ARID1B: variants seen among roughly 807,000 people sequenced by gnomAD.
ARID1B encodes the protein AT-rich interaction domain 1B.
In ARID1B, 30 loss-of-function variants were observed where a neutral mutation model predicts 212.3. That is an observed-to-expected ratio of 0.14 (90% CI 0.11 to 0.19). ARID1B has a LOEUF of 0.19. Among genes scored for constraint, ARID1B ranks in the 10% least tolerant of loss-of-function variants. ARID1B has a pLI of 1.00. For synonymous variants in ARID1B, 1,402 were observed against 1,301.7 expected (o/e 1.08, Z -1.66); for missense variants, 2,891 against 3,204.0 (o/e 0.90, Z 2.36).
intron 3 of ARID1B, among the ~76,000 whole-genome samples, chr6:156,915,862 C>T (rs1348767022): frequency 1.3e-5 from 2 of 151,542 alleles, no homozygotes; most frequent in Non-Finnish European, 2.9e-5. Context: ...CACCACTGCA[C>T]TCCAGTCTGG....
Position 157,200,857 on chromosome 6 carries a change from C to T in ARID1B, c.4632C>T (p.Gly1544=). Residue 1544 remains glycine (G), a synonymous_variant, in exon 18 of 20, where the codon GGC becomes GGT. Coordinates refer to ENST00000636930, the MANE Select transcript of ARID1B (RefSeq NM_001374828.1). The surrounding 1 kb of genome is among the most constrained non-coding windows in gnomAD (Gnocchi z 4.3). ...YSGPDRRPIQ[G]QYPYPYSRER... ...GCCCGGACCGCAGGCCCATCCAGGGCCAGTACCCGTATCCCTACAGCAGGG... is the reference window on the plus strand; with the variant it reads ...GCCCGGACCGCAGGCCCATCCAGGGTCAGTACCCGTATCCCTACAGCAGGG... 2 of 1,614,042 alleles carry T rather than the reference C, an allele frequency of 1.2e-6. No individual in the cohort carries two copies. The highest frequency in any genetic ancestry group is 1.7e-6 in the Non-Finnish European group (2 of 1,180,032).
rs1389687982 is a variant in ARID1B, at chr6:157,121,629, CT to C, written c.2581+11086del. Among the ~76,000 whole-genome samples, 279 of 112,914 alleles carry C rather than the reference CT, an allele frequency of 2.5e-3. No homozygotes were observed. In the Middle Eastern group the frequency reaches 0.056, roughly 23 times the overall value. 74.1% of individuals were successfully genotyped at this position (112,914 alleles called of 152,430 possible). ...TTACAAATAAGAGAATCATATATAG[CT>C]TTTTTTTTTTTTTTTTTGCTGAGAC... On this transcript the variant is annotated intron_variant, in intron 6 of 19. Coordinates refer to ENST00000636930, the MANE Select transcript of ARID1B (RefSeq NM_001374828.1).
intron 8 of ARID1B, among the ~76,000 whole-genome samples, chr6:157,152,717 T>C (rs1790293597): frequency 1.3e-5 from 2 of 152,244 alleles, no homozygotes; most frequent in South Asian, 2.1e-4. Flanking sequence ...GCTTTACTTA[T>C]TTAACAGCTT....
At chr6:157,044,030 T>G (rs993286501) in intron 4 of ARID1B, among the ~76,000 whole-genome samples, 6 of 152,200 alleles carry the variant, frequency 3.9e-5, no homozygotes, top group Non-Finnish European at 7.3e-5. Context: ...CTTCCACGGA[T>G]CTTACATTCT....
At chr6:156,780,154 T>C (rs1414037407) in intron 1 of ARID1B, among the ~76,000 whole-genome samples, 1 of 152,168 alleles carries the variant, frequency 6.6e-6, no homozygotes, top group Non-Finnish European at 1.5e-5. Flanking sequence ...GATTCGTTCC[T>C]TAGAATAGCC....
At chr6:157,050,151 G>A (rs1176327325) in intron 4 of ARID1B, among the ~76,000 whole-genome samples, 1 of 152,134 alleles carries the variant, frequency 6.6e-6, no homozygotes, top group African/African-American at 2.4e-5. Flanking sequence ...ATGCCCAGAA[G>A]AATGGGAGGG....
intron 5 of ARID1B, among the ~76,000 whole-genome samples, chr6:157,089,642 C>T (rs996150084): frequency 2.6e-5 from 4 of 152,154 alleles, no homozygotes; most frequent in Admixed American, 1.3e-4. Flanking sequence ...GAAACACAAA[C>T]GCTGTACTCT....
At chr6:156,871,590 A>G in intron 2 of ARID1B, 1 of 1,606,238 alleles carries the variant, frequency 6.2e-7, no homozygotes, top group Non-Finnish European at 8.5e-7. Flanking sequence ...GTTGCTCCTA[A>G]TTACTGTTTT....
intron 1 of ARID1B, among the ~76,000 whole-genome samples, chr6:156,820,984 C>G (rs1297677783): frequency 6.6e-6 from 1 of 152,180 alleles, no homozygotes; most frequent in Admixed American, 6.5e-5. Flanking sequence ...AAGGCTCTGT[C>G]TCCCCTCGCA....
At chr6:156,919,374 A>G (rs1002850920) in intron 3 of ARID1B, among the ~76,000 whole-genome samples, 3 of 152,140 alleles carry the variant, frequency 2.0e-5, no homozygotes, top group African/African-American at 4.8e-5. Context: ...TATTTAACAT[A>G]TATTTTAAGT....
intron 2 of ARID1B, among the ~76,000 whole-genome samples, chr6:156,892,684 C>T (rs1309133738): frequency 1.3e-5 from 2 of 152,184 alleles, no homozygotes; most frequent in Admixed American, 6.5e-5. Context: ...TGTCTCTTTC[C>T]AGCCAGGCCC....
At chr6:156,852,826 G>A (rs983199975) in intron 2 of ARID1B, among the ~76,000 whole-genome samples, 2 of 152,152 alleles carry the variant, frequency 1.3e-5, no homozygotes, top group African/African-American at 2.4e-5. Context: ...GGAGCCTCTC[G>A]TTTCATGTTT....
intron 1 of ARID1B, chr6:156,779,843 CT>C (rs1779098267): frequency 6.5e-6 from 1 of 154,352 alleles, no homozygotes; most frequent in African/African-American, 2.4e-5. Flanking sequence ...CAAATAGGCT[CT>C]CCCGGCCAGG....
chr6:157,202,380 A>G (rs1206310698), intron 18 of ARID1B, among the ~76,000 whole-genome samples: 1 of 152,262 alleles, frequency 6.6e-6, no homozygotes, highest in Non-Finnish European at 1.5e-5. Flanking sequence ...TTCAGTGATT[A>G]GAAAATTAAA....
chr6:156,824,366 T>G (rs1339167905), intron 1 of ARID1B, among the ~76,000 whole-genome samples: 1 of 152,232 alleles, frequency 6.6e-6, no homozygotes, highest in East Asian at 1.9e-4. Context: ...GGACAATCTA[T>G]TTAGAGAAGT....
chr6:156,834,496 A>G (rs1389161881), intron 2 of ARID1B, among the ~76,000 whole-genome samples: 4 of 152,218 alleles, frequency 2.6e-5, no homozygotes, highest in Non-Finnish European at 4.4e-5. Flanking sequence ...TCATGTGACA[A>G]TGGCATTCTT....
intron 4 of ARID1B, among the ~76,000 whole-genome samples, chr6:157,039,484 C>T (rs1301527203): frequency 6.6e-6 from 1 of 151,498 alleles, no homozygotes; most frequent in Non-Finnish European, 1.5e-5. Context: ...GCGCCCGCCA[C>T]CGCGCCCGGC....
At chr6:156,864,498 T>C (rs1034979741) in intron 2 of ARID1B, among the ~76,000 whole-genome samples, 16 of 152,218 alleles carry the variant, frequency 1.1e-4, no homozygotes, top group African/African-American at 3.9e-4. Context: ...AAAGTTGTTA[T>C]TTGTATCAAG....
At chr6:156,812,373 A>G (rs574302207) in intron 1 of ARID1B, among the ~76,000 whole-genome samples, 1 of 152,224 alleles carries the variant, frequency 6.6e-6, no homozygotes, top group South Asian at 2.1e-4. Context: ...TTAAATGAAG[A>G]ATTCCCCATG....
Sources: gnomAD v4.1 joint callset for allele counts (sites outside exome capture counted in the v4.1 genomes callset) on GRCh38, gnomAD v4.1.1 for gene constraint, Gnocchi (gnomAD v3.1) non-coding constraint, MANE v1.5 for transcripts, NCBI Gene and HGNC (gene_info 2026-07-23, HGNC 2026-07-21) for gene names.